ZNF280B: variants seen among roughly 807,000 people sequenced by gnomAD.
ZNF280B encodes suppressor of hairy wing homolog 2.
A neutral mutation model predicts 38.0 loss-of-function variants in ZNF280B; 16 were observed. That is an observed-to-expected ratio of 0.42 (90% CI 0.28 to 0.64). The LOEUF is 0.64. ZNF280B is among the 30% of genes least tolerant of loss of function. The pLI, the probability that ZNF280B is intolerant of heterozygous loss-of-function variation, is 0.21. For missense variants in ZNF280B, 581 were observed against 639.6 expected, an observed-to-expected ratio of 0.91 and a Z score of 0.99; for synonymous variants, 253 against 230.6, an observed-to-expected ratio of 1.10 and a Z score of -0.88.
intron 2 of ZNF280B, among the ~76,000 whole-genome samples, chr22:22,494,517 C>T (rs1361552535): frequency 2.0e-5 from 3 of 151,856 alleles, no homozygotes; most frequent in Non-Finnish European, 4.4e-5. Context: ...TGCTTATTTT[C>T]CAATTTGCCA....
At position 22,489,292 on chromosome 22, in the gene ZNF280B, T is replaced by C. The variant is rs564363327; in HGVS notation, c.107A>G (p.Glu36Gly). The C allele has an allele frequency of 1.9e-6, 3 of 1,613,860 alleles. No individual in the cohort carries two copies. Among genetic ancestry groups the C allele is most frequent in the Non-Finnish European group, 2.5e-6 (3 of 1,179,944 alleles). Residue 36 changes from glutamate (E) to glycine (G), a missense_variant, in exon 4 of 4, where the codon GAA becomes GGA. Glu to Gly is a moderately conservative substitution (Grantham distance 98). Transcript: ENST00000626650. ...TAGCTCAGCATCTTCATTTACATGT[T>C]CCACACCAACAAAGATGAGCTCAGC... is the stretch of plus-strand genomic sequence containing the variant. ...EDAELIFVGVEHVNEDAELIF... is the reference protein window; with the variant it reads ...EDAELIFVGVGHVNEDAELIF...
intron 3 of ZNF280B, among the ~76,000 whole-genome samples, chr22:22,492,459 A>G (rs1231008307): frequency 6.6e-6 from 1 of 151,988 alleles, no homozygotes; most frequent in Non-Finnish European, 1.5e-5. Flanking sequence ...GGTGGCAACT[A>G]AAAATGGCTC....
intron 1 of ZNF280B, 102 bp downstream of exon 1, chr22:22,508,557 G>C (rs1408879313): frequency 6.6e-6 from 1 of 152,002 alleles, no homozygotes; most frequent in African/African-American, 2.4e-5. Context: ...GGCAGCGCAC[G>C]GCCAAGCGCG....
chr22:22,488,436 A>G lies in ZNF280B; in HGVS notation c.963T>C (p.Phe321=). The change falls in exon 4 of 4, where the codon TTT becomes TTC. Residue 321 remains phenylalanine, a synonymous_variant. Transcript: ENST00000626650. ...CCAAATGATGCTTCACGTGATTCATAAACTTAACATTTTTTAGAACTTTCA... is the reference window on the plus strand; with the variant it reads ...CCAAATGATGCTTCACGTGATTCATGAACTTAACATTTTTTAGAACTTTCA... ...SCVKVLKNVK[F]MNHVKHHLEF... The G allele has an allele frequency of 6.2e-7, 1 of 1,613,886 alleles. No individual in the cohort carries two copies. Among genetic ancestry groups the G allele is most frequent in the Non-Finnish European group, 8.5e-7 (1 of 1,179,990 alleles).
At chr22:22,508,402 G>T (rs549947135) in intron 1 of ZNF280B, among the ~76,000 whole-genome samples, 6 of 151,906 alleles carry the variant, frequency 3.9e-5, no homozygotes, top group Non-Finnish European at 4.4e-5. Flanking sequence ...GCCCGGGGGT[G>T]GGGGCGTCTG....
Position 22,489,214 on chromosome 22 carries a change from T to C in ZNF280B, c.185A>G (p.Asn62Ser). The change falls in exon 4 of 4, where the codon AAC (asparagine) becomes AGC (serine). Residue 62 changes from asparagine (N) to serine (S), a missense_variant. Physicochemically the swap from Asn to Ser is conservative, Grantham distance 46. Transcript: ENST00000626650. ...NSKPVVSNIL[N>S]RVTPGSWSRR... ...TGACCATGAACCCGGGGTGACTCTG[T>C]TCAAAATGTTTGAAACGACTGGTTT... is the stretch of plus-strand genomic sequence containing the variant. 6.2e-7 allele frequency: 1 copy of C among 1,613,816 alleles called. No individual in the cohort carries two copies. Among genetic ancestry groups the C allele is most frequent in the South Asian group, 1.1e-5 (1 of 91,056 alleles).
intron 2 of ZNF280B, among the ~76,000 whole-genome samples, chr22:22,499,352 C>T (rs555040569): frequency 1.3e-5 from 2 of 151,798 alleles, no homozygotes; most frequent in South Asian, 2.1e-4. Flanking sequence ...ACAACCTCCG[C>T]CTCCCGGGTT....
At chr22:22,501,382 T>C (rs1026539765) in intron 2 of ZNF280B, among the ~76,000 whole-genome samples, 11 of 151,372 alleles carry the variant, frequency 7.3e-5, no homozygotes, top group South Asian at 2.1e-4. Context: ...CTGGCCAACA[T>C]AGCAAAACCC....
chr22:22,497,361 T>C (rs560538400), intron 2 of ZNF280B, among the ~76,000 whole-genome samples: 26 of 148,422 alleles, frequency 1.8e-4, no homozygotes, highest in Non-Finnish European at 3.4e-4. Context: ...TGAAACTCCA[T>C]CTCTACTAAA....
chr22:22,496,643 G>A (rs919913586), intron 2 of ZNF280B, among the ~76,000 whole-genome samples: 5 of 151,516 alleles, frequency 3.3e-5, no homozygotes, highest in Non-Finnish European at 7.4e-5. Flanking sequence ...TGGGGGTGGG[G>A]GACAAGTTTG....
intron 2 of ZNF280B, among the ~76,000 whole-genome samples, chr22:22,500,526 C>T (rs950274952): frequency 6.6e-6 from 1 of 151,654 alleles, no homozygotes; most frequent in African/African-American, 2.4e-5. Flanking sequence ...ATAATTCCAC[C>T]TATATGAGGT....
rs779840044 is a variant in ZNF280B at position 22,489,199 on chromosome 22, C to T, written c.200G>A (p.Gly67Asp). 1 of 1,613,598 alleles carries T rather than the reference C, an allele frequency of 6.2e-7. No individual in the cohort carries two copies. Among genetic ancestry groups the T allele is most frequent in the Non-Finnish European group, 8.5e-7 (1 of 1,179,942 alleles). Residue 67 changes from glycine to aspartate, a missense_variant, in exon 4 of 4, where the codon GGT becomes GAT. By Grantham distance (94) the Gly-to-Asp change is moderately conservative (BLOSUM62 -1). Transcript: ENST00000626650. ...ATACTTTTTTCTCCTTGACCATGAA[C>T]CCGGGGTGACTCTGTTCAAAATGTT... ...VSNILNRVTP[G>D]SWSRRKKYDH...
intron 2 of ZNF280B, among the ~76,000 whole-genome samples, chr22:22,498,793 CTTTTT>C (rs60940298): frequency 3.6e-5 from 3 of 83,630 alleles, no homozygotes; most frequent in African/African-American, 5.0e-5. Flanking sequence ...GGCCAATATC[CTTTTT>C]TTTTTTTTTT....
rs2061550345 is a variant in ZNF280B, at chr22:22,489,452, T to C, written c.-54A>G. The C allele has an allele frequency of 4.1e-6, 6 of 1,477,142 alleles. No individual in the cohort carries two copies. Among genetic ancestry groups the C allele is most frequent in the Non-Finnish European group, 5.5e-6 (6 of 1,099,062 alleles). The allele number at this position is 1,477,142 out of a possible 1,614,324, so 91.5% of individuals were successfully genotyped here. A position where few individuals can be genotyped will look rare whatever the true frequency, so the allele number is the denominator to read the frequency against. ...GGGCCACAAGTCCCAATGCTTCCTT[T>C]ATATAAACTGCCACCTAAGTACAAA... On this transcript the variant is annotated 5_prime_UTR_variant, in exon 4 of 4. It adds an upstream start codon to the 5' untranslated region. Transcript: ENST00000626650.
At chr22:22,495,526 A>C (rs2061676265) in intron 2 of ZNF280B, among the ~76,000 whole-genome samples, 1 of 151,976 alleles carries the variant, frequency 6.6e-6, no homozygotes, top group African/African-American at 2.4e-5. Flanking sequence ...TTAGGAAAAA[A>C]ATAATAGAGC....
At chr22:22,503,577 T>C (rs1342543910) in intron 2 of ZNF280B, among the ~76,000 whole-genome samples, 1 of 151,936 alleles carries the variant, frequency 6.6e-6, no homozygotes, top group East Asian at 2.0e-4. Flanking sequence ...TTACAAACTG[T>C]AGTGGGAGTC....
chr22:22,493,203 T>A (rs186764046), intron 3 of ZNF280B, among the ~76,000 whole-genome samples: 15 of 151,930 alleles, frequency 9.9e-5, no homozygotes, highest in African/African-American at 2.9e-4. Context: ...GAGACGGGGT[T>A]TCACCATGAT....
Position 22,488,244 on chromosome 22 carries a change from A to G in ZNF280B, c.1155T>C (p.Asp385=). The G allele has an allele frequency of 1.2e-6, 2 of 1,613,868 alleles. No homozygotes were observed. The highest frequency in any genetic ancestry group is 2.7e-5 in the African/African-American group (2 of 74,966). ...CCTTCATGTGTTGTAAGAGGACCTG[A>G]TCTGTTTCAAATGACAATTCACAGA... ...CKICELSFET[D]QVLLQHMKDH... is the part of the protein sequence containing the mutation. Residue 385 remains aspartate (D), a synonymous_variant, in exon 4 of 4, where the codon GAT becomes GAC. Coordinates refer to ENST00000626650, the MANE Select transcript of ZNF280B (RefSeq NM_080764.4).
intron 2 of ZNF280B, among the ~76,000 whole-genome samples, chr22:22,500,589 C>T (rs2061796540): frequency 6.6e-6 from 1 of 151,872 alleles, no homozygotes; most frequent in African/African-American, 2.4e-5. Context: ...GAAGCAGTGG[C>T]TCACACCTGT....
Sources: allele counts gnomAD v4.1 joint callset (sites outside exome capture counted in the v4.1 genomes callset), GRCh38; gene constraint gnomAD v4.1.1; transcripts MANE v1.5; gene names NCBI Gene and HGNC (gene_info 2026-07-23, HGNC 2026-07-21).